Variants in ACACB observed in about 807,000 individuals in gnomAD.
ACACB encodes the protein acetyl-CoA carboxylase 2.
A neutral mutation model predicts 278.8 loss-of-function variants in ACACB; 209 were observed. That is an observed-to-expected ratio of 0.75 (90% CI 0.67 to 0.84). The LOEUF is 0.84. Among genes scored for constraint, ACACB ranks in the 40% least tolerant of loss-of-function variants. ACACB has a pLI of 0.00. For synonymous variants in ACACB, 1,174 were observed against 1,285.6 expected (o/e 0.91, Z 1.86); for missense variants, 2,850 against 3,269.0 (o/e 0.87, Z 3.13).
chr12:109,223,003 G>A, intron 26 of ACACB, 91 bp downstream of exon 26: 4 of 1,002,232 alleles, frequency 4.0e-6, no homozygotes, highest in South Asian at 2.8e-5. Context: ...CTGCCCTCCA[G>A]GTGCTCAGTG....
intron 1 of ACACB, among the ~76,000 whole-genome samples, chr12:109,131,052 C>T (rs1341713926): frequency 6.6e-6 from 1 of 152,176 alleles, no homozygotes; most frequent in East Asian, 1.9e-4. Context: ...AGGGCAATTG[C>T]ATGAGCAGTG....
At position 109,260,510 on chromosome 12, in the gene ACACB, C is replaced by G. The variant is rs1259332969; in HGVS notation, c.6527C>G (p.Ala2176Gly). ...DMYDQVLKFG[A>G]YIVDGLRQYK... ...TATGACCAGGTGCTGAAGTTTGGAG[C>G]CTACATCGTGGACGGCCTTAGACAA... Residue 2176 changes from alanine to glycine, a missense_variant, in exon 48 of 53, where the codon GCC (alanine) becomes GGC (glycine). Physicochemically the swap from Ala to Gly is moderately conservative, Grantham distance 60. Around this residue, in one of 3 missense-constraint regions of ACACB, gnomAD observed 579 missense variants for 684.6 expected, o/e 0.85. Transcript: ENST00000338432. 1 of 1,614,192 alleles carries G rather than the reference C, an allele frequency of 6.2e-7. No homozygotes were observed. The highest frequency in any genetic ancestry group is 1.7e-5 in the Admixed American group (1 of 60,028).
intron 19 of ACACB, among the ~76,000 whole-genome samples, chr12:109,204,087 T>A (rs1441858759): frequency 6.6e-6 from 1 of 152,158 alleles, no homozygotes; most frequent in East Asian, 1.9e-4. Flanking sequence ...GGGGTACATG[T>A]GATCTTTTGG....
chr12:109,119,761 G>A (rs1317365840), intron 1 of ACACB, among the ~76,000 whole-genome samples: 1 of 152,110 alleles, frequency 6.6e-6, no homozygotes, highest in Non-Finnish European at 1.5e-5. Context: ...GCCAGTTATG[G>A]TGGTGCGCCT....
chr12:109,146,654 G>T (rs545070729), intron 2 of ACACB, among the ~76,000 whole-genome samples: 1 of 152,086 alleles, frequency 6.6e-6, no homozygotes, highest in African/African-American at 2.4e-5. Context: ...TTGACGCTTT[G>T]TTGTCGCCGT....
chr12:109,242,641 C>A, intron 37 of ACACB, 49 bp downstream of exon 37: 1 of 1,596,460 alleles, frequency 6.3e-7, no homozygotes, highest in Non-Finnish European at 8.6e-7. Context: ...TCCCAGCAGA[C>A]TCCACCAGAA....
At chr12:109,174,035 T>C in intron 6 of ACACB, 97 bp from the exon 7 acceptor site, 1 of 998,196 alleles carries the variant, frequency 1.0e-6, no homozygotes, top group Non-Finnish European at 1.5e-6. Flanking sequence ...CATCTGCTCC[T>C]TACCTGGCCC....
At chr12:109,206,298 G>T (rs1280126359) in intron 19 of ACACB, among the ~76,000 whole-genome samples, 1 of 152,082 alleles carries the variant, frequency 6.6e-6, no homozygotes, top group Middle Eastern at 3.4e-3. Flanking sequence ...GCTGGGCGTG[G>T]TGGCCTGCGC....
chr12:109,153,240 C>T (rs951255095), intron 2 of ACACB, among the ~76,000 whole-genome samples: 7 of 152,060 alleles, frequency 4.6e-5, no homozygotes, highest in Non-Finnish European at 7.4e-5. Flanking sequence ...CTGCCCACCT[C>T]GGCCCCCCAA....
At chr12:109,167,776 GAAT>G (rs2043968129) in intron 3 of ACACB, 117 bp from the exon 4 acceptor site, 2 of 1,451,582 alleles carry the variant, frequency 1.4e-6, no homozygotes. Context: ...ATACCAAGAG[GAAT>G]GATGTGCTGC....
At chr12:109,256,880 G>T (rs1019025123) in intron 45 of ACACB, among the ~76,000 whole-genome samples, 1 of 152,226 alleles carries the variant, frequency 6.6e-6, no homozygotes, top group African/African-American at 2.4e-5. Context: ...AAGGATTATT[G>T]TGATGATTAG....
In ACACB at chr12:109,262,475, G is replaced by T; in HGVS notation, c.6787+6G>T. ...GAAGCTCATGGAACAGCTAGGTAAG[G>T]GGGTCCCAAAGGCTTCACCTCTCAG... On this transcript the variant is annotated splice_donor_region_variant and intron_variant, in intron 49 of 52. Coordinates refer to ENST00000338432, the MANE Select transcript of ACACB (RefSeq NM_001093.4). 1 of 1,607,990 alleles carries T rather than the reference G, an allele frequency of 6.2e-7. No homozygotes were observed. The highest frequency in any genetic ancestry group is 1.1e-5 in the South Asian group (1 of 90,358).
intron 24 of ACACB, among the ~76,000 whole-genome samples, chr12:109,221,323 A>T (rs916519545): frequency 6.6e-6 from 1 of 152,184 alleles, no homozygotes; most frequent in African/African-American, 2.4e-5. Flanking sequence ...GTCTTAGTGG[A>T]TGCCCGGGGT....
intron 24 of ACACB, among the ~76,000 whole-genome samples, chr12:109,222,117 T>G (rs898310878): frequency 2.0e-5 from 3 of 151,986 alleles, no homozygotes; most frequent in Non-Finnish European, 4.4e-5. Flanking sequence ...GGTCTCAAAC[T>G]CCTGAGCTCA....
intron 47 of ACACB, 145 bp downstream of exon 47, chr12:109,259,253 T>C (rs1179926611): frequency 9.5e-7 from 1 of 1,048,610 alleles, no homozygotes; most frequent in African/African-American, 1.6e-5. Context: ...GAAAATATTG[T>C]TCAGGTGCCC....
In ACACB at chr12:109,185,674, C is replaced by G; in HGVS notation, c.1914C>G (p.Pro638=). The G allele has an allele frequency of 1.2e-6, 2 of 1,613,962 alleles. No homozygotes were observed. Among genetic ancestry groups the G allele is most frequent in the South Asian group, 2.2e-5 (2 of 91,036 alleles). The stretch of plus-strand genomic sequence containing the variant: ...TGACTCCCATTTCTTTTGAAACCCC[C>G]TCAAACCCTCCCCTCGCCCGAGGCC... ...WGVTPISFET[P]SNPPLARGHV... The change falls in exon 12 of 53, where the codon CCC becomes CCG. Residue 638 remains proline, a synonymous_variant. Coordinates refer to ENST00000338432, the MANE Select transcript of ACACB (RefSeq NM_001093.4).
At chr12:109,122,118 G>A (rs1343275256) in intron 1 of ACACB, among the ~76,000 whole-genome samples, 3 of 152,148 alleles carry the variant, frequency 2.0e-5, no homozygotes, top group Admixed American at 6.5e-5. Flanking sequence ...GGCAGAGGCC[G>A]GTTTGCCAGG....
At chr12:109,175,508 T>C (rs1041179159) in intron 7 of ACACB, among the ~76,000 whole-genome samples, 1 of 152,142 alleles carries the variant, frequency 6.6e-6, no homozygotes, top group African/African-American at 2.4e-5. Flanking sequence ...CTTGACCTCC[T>C]GAGCTCAAGT....
intron 1 of ACACB, among the ~76,000 whole-genome samples, chr12:109,130,224 A>G (rs1250133612): frequency 6.6e-6 from 1 of 152,138 alleles, no homozygotes; most frequent in East Asian, 1.9e-4. Flanking sequence ...TCAGTGCCCC[A>G]GGGGGGATGA....
Sources: gnomAD v4.1 joint callset for allele counts (sites outside exome capture counted in the v4.1 genomes callset) on GRCh38, gnomAD v4.1.1 for gene constraint, gnomAD v4.1.1 regional missense constraint, MANE v1.5 for transcripts, NCBI Gene and HGNC (gene_info 2026-07-23, HGNC 2026-07-21) for gene names.